Variants in KIRREL3 observed in about 807,000 individuals in gnomAD.
KIRREL3 encodes the protein kin of IRRE-like protein 3.
Under a neutral mutation model 89.7 loss-of-function variants are expected in KIRREL3, and 36 were observed. The observed-to-expected ratio is 0.40, with a 90% confidence interval of 0.31 to 0.53. KIRREL3 has a LOEUF of 0.53. Among genes scored for constraint, KIRREL3 ranks in the 20% least tolerant of loss-of-function variants. The pLI is 0.49. For missense variants in KIRREL3, 864 were observed against 1,056.6 expected, an observed-to-expected ratio of 0.82 and a Z score of 2.53; for synonymous variants, 445 against 441.4, an observed-to-expected ratio of 1.01 and a Z score of -0.10.
rs1290175568 is a variant in KIRREL3 at position 126,440,501 on chromosome 11, T to C, written c.1301A>G (p.Glu434Gly). The C allele has an allele frequency of 9.4e-6, 15 of 1,602,062 alleles. No individual in the cohort carries two copies. Among genetic ancestry groups the C allele is most frequent in the Non-Finnish European group, 1.3e-5 (15 of 1,174,856 alleles). ...STQTQHALHG[E>G]KGQIKCFIRS... Reference sequence around the variant, plus strand: ...GATGAAGCACTTGATCTGGCCCTTCTCGCCGTGGAGGGCGTGCTGGGTCTG... The same window carrying C: ...GATGAAGCACTTGATCTGGCCCTTCCCGCCGTGGAGGGCGTGCTGGGTCTG... Residue 434 changes from glutamate to glycine, a missense_variant, in exon 11 of 17, where the codon GAG becomes GGG. Transcript: ENST00000525144.
At chr11:126,885,134 G>A (rs1040190720) in intron 1 of KIRREL3, among the ~76,000 whole-genome samples, 4 of 152,120 alleles carry the variant, frequency 2.6e-5, no homozygotes, top group African/African-American at 7.2e-5. Context: ...GCCCACAGAT[G>A]GCCATGGGTA....
chr11:126,453,067 C>G (rs1174192567), intron 7 of KIRREL3, among the ~76,000 whole-genome samples: 1 of 151,004 alleles, frequency 6.6e-6, no homozygotes, highest in African/African-American at 2.4e-5. Context: ...CCCACCTCCC[C>G]CAACTCACTG....
chr11:126,481,250 C>T (rs1957209935), intron 4 of KIRREL3, among the ~76,000 whole-genome samples: 2 of 152,200 alleles, frequency 1.3e-5, no homozygotes, highest in Admixed American at 6.5e-5. Context: ...TGGCTTTTCT[C>T]CTTCCTCTCT....
intron 1 of KIRREL3, among the ~76,000 whole-genome samples, chr11:126,887,283 G>T (rs965778648): frequency 6.6e-6 from 1 of 152,160 alleles, no homozygotes; most frequent in South Asian, 2.1e-4. Flanking sequence ...GAGTATTAGA[G>T]CAAGCATGCA....
At position 126,553,592 on chromosome 11, in the gene KIRREL3, A is replaced by G. The variant is rs1365276079; in HGVS notation, c.133+9243T>C. ...TTCATGAGCCCAGGTGGCCACCTCAAGGGAGCAGCTGGGGCTATCTGCGTG... is the reference window on the plus strand; with the variant it reads ...TTCATGAGCCCAGGTGGCCACCTCAGGGGAGCAGCTGGGGCTATCTGCGTG... On this transcript the variant is annotated intron_variant, in intron 2 of 16. Transcript: ENST00000525144. This position sits in a 1 kb window ranked among gnomAD's most constrained non-coding sequence, Gnocchi z 4.7. 6.6e-6 allele frequency among the ~76,000 whole-genome samples: 1 copy of G among 152,196 alleles called. No homozygotes were observed. Among genetic ancestry groups the G allele is most frequent in the Non-Finnish European group, 1.5e-5 (1 of 68,034 alleles).
chr11:126,580,285 G>C (rs569434356), intron 1 of KIRREL3, among the ~76,000 whole-genome samples: 1 of 152,330 alleles, frequency 6.6e-6, no homozygotes. Flanking sequence ...GCCCCCAGAG[G>C]ACCCACAGTT....
chr11:126,737,020 A>C (rs1427100371), intron 1 of KIRREL3, among the ~76,000 whole-genome samples: 1 of 152,226 alleles, frequency 6.6e-6, no homozygotes, highest in Non-Finnish European at 1.5e-5. Flanking sequence ...AAAAGCAAAA[A>C]CAGCTAAAGT....
chr11:126,630,123 G>A (rs950302466), intron 1 of KIRREL3, among the ~76,000 whole-genome samples: 5 of 152,148 alleles, frequency 3.3e-5, no homozygotes, highest in Admixed American at 6.5e-5. Flanking sequence ...GGTGATAAAC[G>A]TCCCTACTTC....
Position 126,515,457 on chromosome 11 carries a change from A to G in KIRREL3, c.433+5858T>C, listed in dbSNP as rs888503322. The stretch of plus-strand genomic sequence containing the variant: ...AGAGCAAGACCCTGACTCAAAAAAA[A>G]GATGCCTAAGGAAGTGAAAAGGACC... On this transcript the variant is annotated intron_variant, in intron 4 of 16. Transcript: ENST00000525144. This position sits in a 1 kb window ranked among gnomAD's most constrained non-coding sequence, Gnocchi z 4.2. Among the ~76,000 whole-genome samples the G allele has an allele frequency of 5.3e-5, 8 of 152,308 alleles. No homozygotes were observed. The highest frequency in any genetic ancestry group is 1.9e-4 in the African/African-American group (8 of 41,570).
chr11:126,672,428 A>G (rs777466298), intron 1 of KIRREL3, among the ~76,000 whole-genome samples: 43 of 152,240 alleles, frequency 2.8e-4, no homozygotes, highest in Admixed American at 1.6e-3. Flanking sequence ...AGGCGACAAC[A>G]TGGATGTATC....
rs1188441362 is a variant in KIRREL3 at position 126,796,470 on chromosome 11, T to C, written c.55+203985A>G. ...GTGGGTAACTGGCCTTCACCTTAAA[T>C]ATAGCAAGTTACTTGAATGGTGCGA... On this transcript the variant is annotated intron_variant, in intron 1 of 16. Coordinates refer to ENST00000525144, the MANE Select transcript of KIRREL3 (RefSeq NM_032531.4). This position sits in a 1 kb window ranked among gnomAD's most constrained non-coding sequence, Gnocchi z 5.1. 6.6e-6 allele frequency among the ~76,000 whole-genome samples: 1 copy of C among 152,170 alleles called. No individual in the cohort carries two copies. The highest frequency in any genetic ancestry group is 1.9e-4 in the East Asian group (1 of 5,158).
At chr11:126,865,366 C>G (rs1249313128) in intron 1 of KIRREL3, among the ~76,000 whole-genome samples, 1 of 152,246 alleles carries the variant, frequency 6.6e-6, no homozygotes, top group African/African-American at 2.4e-5. Context: ...TGAGTTGAGG[C>G]TGCCTGCTGC....
At position 126,614,287 on chromosome 11, in the gene KIRREL3, G is replaced by C. The variant is rs1325615983; in HGVS notation, c.56-51375C>G. ...TTAATTTCCAGGTAGCCTAGTAAAA[G>C]AGATACTAGATTGGAAGTCAGAAGC... is the stretch of plus-strand genomic sequence containing the variant. On this transcript the variant is annotated intron_variant, in intron 1 of 16. Transcript: ENST00000525144. The surrounding 1 kb of genome is among the most constrained non-coding windows in gnomAD (Gnocchi z 4.6). 6.6e-6 allele frequency among the ~76,000 whole-genome samples: 1 copy of C among 152,124 alleles called. No homozygotes were observed. Among genetic ancestry groups the C allele is most frequent in the Non-Finnish European group, 1.5e-5 (1 of 68,022 alleles).
chr11:126,922,714 G>A (rs550710466), intron 1 of KIRREL3, among the ~76,000 whole-genome samples: 1 of 151,230 alleles, frequency 6.6e-6, no homozygotes, highest in African/African-American at 2.4e-5. Flanking sequence ...AGGAGCAGCA[G>A]CAACAACAAC....
At chr11:126,466,453 G>A (rs543374348) in intron 5 of KIRREL3, among the ~76,000 whole-genome samples, 222 of 152,344 alleles carry the variant, frequency 1.5e-3, no homozygotes, top group African/African-American at 5.1e-3. Flanking sequence ...CTGAGGGGAG[G>A]AAGGTGGGAC....
Position 126,903,181 on chromosome 11 carries a change from G to T in KIRREL3, c.55+97274C>A, listed in dbSNP as rs190671449. The stretch of plus-strand genomic sequence containing the variant: ...ATTTAAGAAATTATTATAGAAAAAT[G>T]CTGGAAGCCTTGTAGTCATCTTTGC... On this transcript the variant is annotated intron_variant, in intron 1 of 16. Transcript: ENST00000525144. The surrounding 1 kb of genome is among the most constrained non-coding windows in gnomAD (Gnocchi z 4.5). 2.0e-4 allele frequency among the ~76,000 whole-genome samples: 30 copies of T among 152,272 alleles called. 1 individual carries two copies. Among genetic ancestry groups the T allele is most frequent in the Admixed American group, 9.2e-4 (14 of 15,300 alleles).
intron 1 of KIRREL3, among the ~76,000 whole-genome samples, chr11:126,725,337 A>G (rs1948336240): frequency 2.6e-5 from 1 of 38,346 alleles, no homozygotes; most frequent in South Asian, 1.9e-3. Context: ...ATCAGGAGCG[A>G]TCAAAGCAAA....
At position 126,685,030 on chromosome 11, in the gene KIRREL3, G is replaced by A. The variant is rs770658795; in HGVS notation, c.56-122118C>T. ...TCTCCTCCTCTAATATGGAAGGAAC[G>A]TTAGACACACATTCCTGTAGATGCT... On this transcript the variant is annotated intron_variant, in intron 1 of 16. Transcript: ENST00000525144. This position sits in a 1 kb window ranked among gnomAD's most constrained non-coding sequence, Gnocchi z 5.5. Among the ~76,000 whole-genome samples, 12 of 151,982 alleles carry A rather than the reference G, an allele frequency of 7.9e-5. No individual in the cohort carries two copies. Among genetic ancestry groups the A allele is most frequent in the Admixed American group, 1.3e-4 (2 of 15,250 alleles).
intron 1 of KIRREL3, among the ~76,000 whole-genome samples, chr11:126,600,320 C>G (rs1044355310): frequency 6.6e-6 from 1 of 152,204 alleles, no homozygotes; most frequent in Non-Finnish European, 1.5e-5. Context: ...TTGATTGCAG[C>G]CTTGGGAGAG....
Sources: allele counts gnomAD v4.1 joint callset (sites outside exome capture counted in the v4.1 genomes callset), GRCh38; gene constraint gnomAD v4.1.1; non-coding constraint Gnocchi (gnomAD v3.1); transcripts MANE v1.5; gene names NCBI Gene and HGNC (gene_info 2026-07-23, HGNC 2026-07-21).